Variants in CDH18 observed in about 807,000 individuals in gnomAD.
CDH18 encodes cadherin-18.
A neutral mutation model predicts 67.9 loss-of-function variants in CDH18; 31 were observed. The ratio of observed to expected loss-of-function variants is 0.46; its 90% confidence interval spans 0.34 to 0.62. The LOEUF (loss-of-function observed/expected upper bound fraction) is 0.62. Among genes scored for constraint, CDH18 ranks in the 20% least tolerant of loss-of-function variants. The pLI, the probability that CDH18 is intolerant of heterozygous loss-of-function variation, is 0.01. For synonymous variants in CDH18, 362 were observed against 347.2 expected, an observed-to-expected ratio of 1.04 and a Z score of -0.48; for missense variants, 890 against 975.5, an observed-to-expected ratio of 0.91 and a Z score of 1.17.
chr5:20,503,888 A>C (rs1481164866), intron 1 of CDH18, among the ~76,000 whole-genome samples: 1 of 151,984 alleles, frequency 6.6e-6, no homozygotes, highest in Non-Finnish European at 1.5e-5. Context: ...AAATATAAAA[A>C]TTAGCCAGGT....
chr5:20,215,178 CA>C (rs1554103450), intron 2 of CDH18, among the ~76,000 whole-genome samples: 1 of 151,824 alleles, frequency 6.6e-6, no homozygotes, highest in Non-Finnish European at 1.5e-5. Context: ...ATTAAATGGT[CA>C]AAAAATATCA....
chr5:20,062,009 C>G (rs1742530328), intron 2 of CDH18, among the ~76,000 whole-genome samples: 1 of 152,016 alleles, frequency 6.6e-6, no homozygotes, highest in Non-Finnish European at 1.5e-5. Flanking sequence ...CTGATTTAAT[C>G]CTCACAATGA....
chr5:20,421,611 A>C (rs1747864924), intron 1 of CDH18, among the ~76,000 whole-genome samples: 1 of 151,026 alleles, frequency 6.6e-6, no homozygotes, highest in African/African-American at 2.5e-5. Flanking sequence ...TTTCAAATGG[A>C]ATAAAAATGA....
chr5:20,472,900 T>C (rs1398778569), intron 1 of CDH18, among the ~76,000 whole-genome samples: 1 of 152,200 alleles, frequency 6.6e-6, no homozygotes, highest in Non-Finnish European at 1.5e-5. Context: ...TTTAGATGTA[T>C]TTTTATTTTA....
intron 1 of CDH18, chr5:20,304,784 A>G: frequency 6.2e-7 from 1 of 1,610,750 alleles, no homozygotes; most frequent in Non-Finnish European, 8.5e-7. Flanking sequence ...CCAACAAGGG[A>G]AGGAGACCGT....
intron 1 of CDH18, among the ~76,000 whole-genome samples, chr5:20,410,263 G>C (rs1299152734): frequency 6.6e-6 from 1 of 151,684 alleles, no homozygotes; most frequent in Non-Finnish European, 1.5e-5. Context: ...TGAAACAATA[G>C]CACATTAAAA....
At chr5:19,717,136 A>G (rs2150559066) in intron 5 of CDH18, among the ~76,000 whole-genome samples, 1 of 152,188 alleles carries the variant, frequency 6.6e-6, no homozygotes, top group South Asian at 2.1e-4. Context: ...TTTGTAAAAC[A>G]GTATACTCCT....
chr5:20,172,549 G>A (rs1736916640), intron 2 of CDH18, among the ~76,000 whole-genome samples: 3 of 151,800 alleles, frequency 2.0e-5, no homozygotes, highest in East Asian at 3.9e-4. Context: ...TGGTTTTCTT[G>A]TGAACTCAGT....
intron 1 of CDH18, among the ~76,000 whole-genome samples, chr5:20,374,161 G>C (rs1178293131): frequency 6.6e-6 from 1 of 152,142 alleles, no homozygotes; most frequent in Admixed American, 6.5e-5. Context: ...CAAGGAATGG[G>C]TTAAAAGCCA....
At chr5:20,144,682 T>C (rs1168540410) in intron 2 of CDH18, among the ~76,000 whole-genome samples, 1 of 152,074 alleles carries the variant, frequency 6.6e-6, no homozygotes, top group Non-Finnish European at 1.5e-5. Context: ...TCAAAAGAGA[T>C]TATATTGGAT....
intron 9 of CDH18, among the ~76,000 whole-genome samples, chr5:19,543,118 A>G (rs1005175307): frequency 1.3e-5 from 2 of 152,100 alleles, no homozygotes; most frequent in African/African-American, 4.8e-5. Context: ...TAAAGTGAGG[A>G]TAATTGGTAC....
intron 1 of CDH18, among the ~76,000 whole-genome samples, chr5:20,449,510 C>T (rs1437791741): frequency 1.3e-5 from 2 of 151,938 alleles, no homozygotes; most frequent in Non-Finnish European, 2.9e-5. Context: ...ACATCTCCCA[C>T]AATATGGATT....
intron 1 of CDH18, among the ~76,000 whole-genome samples, chr5:20,273,238 A>G (rs1745566914): frequency 6.6e-6 from 1 of 152,098 alleles, no homozygotes. Flanking sequence ...AGCATAGACA[A>G]TATGGTGCCT....
intron 3 of CDH18, among the ~76,000 whole-genome samples, chr5:19,784,393 T>C (rs764241740): frequency 6.6e-6 from 1 of 152,194 alleles, no homozygotes; most frequent in Non-Finnish European, 1.5e-5. Context: ...ATCTTTCCGA[T>C]ATTGGGCATG....
At chr5:19,679,839 T>C (rs961425404) in intron 5 of CDH18, among the ~76,000 whole-genome samples, 2 of 152,038 alleles carry the variant, frequency 1.3e-5, no homozygotes, top group Admixed American at 6.6e-5. Flanking sequence ...ATAGGAATAA[T>C]TGATATTGTT....
At chr5:19,936,800 T>C (rs1396640168) in intron 2 of CDH18, among the ~76,000 whole-genome samples, 1 of 151,008 alleles carries the variant, frequency 6.6e-6, no homozygotes, top group African/African-American at 2.4e-5. Flanking sequence ...TTTATGTGAA[T>C]AGAAATTTCA....
chr5:20,023,826 A>G (rs1475966948), intron 2 of CDH18, among the ~76,000 whole-genome samples: 2 of 152,194 alleles, frequency 1.3e-5, no homozygotes, highest in African/African-American at 2.4e-5. Context: ...ATAATCCCGC[A>G]GTCACTCACT....
intron 1 of CDH18, among the ~76,000 whole-genome samples, chr5:19,986,331 T>C (rs909462550): frequency 2.6e-5 from 4 of 152,036 alleles, no homozygotes; most frequent in Admixed American, 6.5e-5. Context: ...ACAGCTAGAG[T>C]TTCCTGCCAC....
chr5:19,904,196 C>T (rs1790266306), intron 2 of CDH18, among the ~76,000 whole-genome samples: 1 of 151,638 alleles, frequency 6.6e-6, no homozygotes, highest in Non-Finnish European at 1.5e-5. Context: ...ATCACTTGAA[C>T]TCCGGAGGCG....
Sources: gnomAD v4.1 joint callset for allele counts (sites outside exome capture counted in the v4.1 genomes callset) on GRCh38, gnomAD v4.1.1 for gene constraint, MANE v1.5 for transcripts, NCBI Gene and HGNC (gene_info 2026-07-23, HGNC 2026-07-21) for gene names.